Variants in ALK observed in about 807,000 individuals in gnomAD.
ALK encodes ALK receptor tyrosine kinase.
In ALK, 74 loss-of-function variants were observed where a neutral mutation model predicts 163.1. The ratio of observed to expected loss-of-function variants is 0.45; its 90% confidence interval spans 0.38 to 0.55. The LOEUF is 0.55. Ranked by LOEUF, ALK falls within the 20% of genes least tolerant of loss-of-function variation. ALK has a pLI of 0.00. For synonymous variants in ALK, 960 were observed against 843.2 expected, an observed-to-expected ratio of 1.14 and a Z score of -2.40; for missense variants, 2,063 against 2,105.3, an observed-to-expected ratio of 0.98 and a Z score of 0.39.
At chr2:29,606,976 A>G (rs977378815) in intron 3 of ALK, among the ~76,000 whole-genome samples, 1 of 152,246 alleles carries the variant, frequency 6.6e-6, no homozygotes, top group African/African-American at 2.4e-5. Context: ...GCAGCCATGC[A>G]TCTGCTTTCC....
intron 8 of ALK, among the ~76,000 whole-genome samples, chr2:29,314,265 C>T (rs1666769188): frequency 6.6e-6 from 1 of 152,174 alleles, no homozygotes; most frequent in African/African-American, 2.4e-5. Flanking sequence ...TCACATCCCT[C>T]TGGGCTACAT....
intron 4 of ALK, among the ~76,000 whole-genome samples, chr2:29,410,843 T>G (rs1250794365): frequency 1.3e-5 from 2 of 152,234 alleles, no homozygotes; most frequent in East Asian, 3.8e-4. Flanking sequence ...TGTACACTCC[T>G]GTAGACTTTA....
chr2:29,641,039 G>T (rs1037887796), intron 3 of ALK, among the ~76,000 whole-genome samples: 1 of 152,150 alleles, frequency 6.6e-6, no homozygotes, highest in South Asian at 2.1e-4. Flanking sequence ...GTGCTTGGCG[G>T]GGGCAGTGAT....
At chr2:29,762,468 C>T (rs1680734896) in intron 1 of ALK, among the ~76,000 whole-genome samples, 1 of 152,126 alleles carries the variant, frequency 6.6e-6, no homozygotes, top group Admixed American at 6.5e-5. Context: ...TGCAGTCTCC[C>T]CGTGAGTATA....
At chr2:29,678,290 T>C (rs1164644905) in intron 3 of ALK, among the ~76,000 whole-genome samples, 1 of 151,908 alleles carries the variant, frequency 6.6e-6, no homozygotes, top group East Asian at 1.9e-4. Flanking sequence ...GCTTTTTTAT[T>C]TCATGGATTT....
chr2:29,919,847 G>T, intron 1 of ALK, 146 bp downstream of exon 1: 1 of 1,017,092 alleles, frequency 9.8e-7, no homozygotes, highest in Non-Finnish European at 1.4e-6. Flanking sequence ...GGTCTGATTC[G>T]GGAAGGAGGT....
intron 1 of ALK, among the ~76,000 whole-genome samples, chr2:29,766,086 G>A (rs1213579802): frequency 2.6e-5 from 4 of 152,170 alleles, no homozygotes; most frequent in East Asian, 1.9e-4. Context: ...TTAATTAGCT[G>A]TACAGTATTT....
intron 20 of ALK, 77 bp from the exon 21 acceptor site, chr2:29,222,684 G>A (rs776151347): frequency 4.5e-6 from 6 of 1,324,470 alleles, no homozygotes; most frequent in Non-Finnish European, 6.4e-6. Context: ...CCTGAGCCTG[G>A]GCGTCACATT....
chr2:29,832,164 G>T (rs1045915904), intron 1 of ALK, among the ~76,000 whole-genome samples: 20 of 152,188 alleles, frequency 1.3e-4, no homozygotes, highest in African/African-American at 4.8e-4. Flanking sequence ...GAGAAACTGG[G>T]TTGAAATTCA....
intron 1 of ALK, among the ~76,000 whole-genome samples, chr2:29,912,945 T>C (rs1406739445): frequency 6.6e-6 from 1 of 152,156 alleles, no homozygotes; most frequent in Non-Finnish European, 1.5e-5. Context: ...AAGAAAAATA[T>C]AACCAATGGT....
intron 5 of ALK, among the ~76,000 whole-genome samples, chr2:29,342,723 T>G (rs1192574631): frequency 3.9e-5 from 6 of 152,002 alleles, no homozygotes; most frequent in African/African-American, 1.5e-4. Context: ...CCATGCAGAG[T>G]TCAGGCTCTT....
rs1003331738 is a variant in ALK at position 29,671,610 on chromosome 2, A to T, written c.952+23240T>A. Among the ~76,000 whole-genome samples, 8 of 152,080 alleles carry T rather than the reference A, an allele frequency of 5.3e-5. 1 individual carries two copies. The East Asian group carries it at 9.7e-4, about 18-fold the overall frequency. On this transcript the variant is annotated intron_variant, in intron 3 of 28. Coordinates refer to ENST00000389048, the MANE Select transcript of ALK (RefSeq NM_004304.5). Reference sequence around the variant, plus strand: ...TCCAGTGTAGAAATTGTGAATGAGGAAAGATTTTCTATGAACTTGTTGCCA... The same window carrying T: ...TCCAGTGTAGAAATTGTGAATGAGGTAAGATTTTCTATGAACTTGTTGCCA...
rs1024764053 is a variant in ALK at position 29,228,810 on chromosome 2, G to GGGCGA, written c.2815+73_2815+74insTCGCC. 23 of 985,294 alleles carry GGGCGA rather than the reference G, an allele frequency of 2.3e-5. No individual in the cohort carries two copies. The African/African-American group carries it at 4.5e-4, about 19-fold the overall frequency. 61.0% of individuals were successfully genotyped at this position (985,294 alleles called of 1,614,324 possible). ...GGGCAGGCCAGGGGAGGGCAGGGGAGGGCAGGGCAGGGAGGTGAGGAGCCT... is the reference window on the plus strand; with the variant it reads ...GGGCAGGCCAGGGGAGGGCAGGGGAGGGCGAGGCAGGGCAGGGAGGTGAGGAGCCT... On this transcript the variant is annotated intron_variant, in intron 16 of 28. Coordinates refer to ENST00000389048, the MANE Select transcript of ALK (RefSeq NM_004304.5).
intron 4 of ALK, among the ~76,000 whole-genome samples, chr2:29,513,309 C>A (rs1276222411): frequency 7.2e-6 from 1 of 139,436 alleles, no homozygotes; most frequent in Non-Finnish European, 1.6e-5. Flanking sequence ...AGATATAGAT[C>A]AATGGAACAG....
At chr2:29,354,544 C>T (rs1006314371) in intron 5 of ALK, among the ~76,000 whole-genome samples, 1 of 151,340 alleles carries the variant, frequency 6.6e-6, no homozygotes, top group Admixed American at 6.6e-5. Context: ...GCATCGTGCA[C>T]CGGAGACCAT....
intron 1 of ALK, among the ~76,000 whole-genome samples, chr2:29,749,645 T>C (rs978884227): frequency 6.6e-6 from 1 of 152,096 alleles, no homozygotes; most frequent in African/African-American, 2.4e-5. Flanking sequence ...CCCATCGTTC[T>C]CAGTCCCCAA....
At chr2:29,728,838 C>T (rs558556235) in intron 1 of ALK, among the ~76,000 whole-genome samples, 2 of 152,000 alleles carry the variant, frequency 1.3e-5, no homozygotes, top group African/African-American at 4.8e-5. Flanking sequence ...AGCAAAGAAC[C>T]CCTTGGAGAT....
At chr2:29,816,656 G>A (rs578199379) in intron 1 of ALK, among the ~76,000 whole-genome samples, 3 of 152,308 alleles carry the variant, frequency 2.0e-5, no homozygotes, top group African/African-American at 7.2e-5. Context: ...GGAAAGTCTG[G>A]GCCACAAGGT....
chr2:29,300,047 G>A (rs961021149), intron 8 of ALK, among the ~76,000 whole-genome samples: 5 of 152,180 alleles, frequency 3.3e-5, no homozygotes, highest in Admixed American at 2.0e-4. Flanking sequence ...TGGCAGCATC[G>A]GGTGGCCTAC....
Sources: allele counts gnomAD v4.1 joint callset (sites outside exome capture counted in the v4.1 genomes callset), GRCh38; gene constraint gnomAD v4.1.1; transcripts MANE v1.5; gene names NCBI Gene and HGNC (gene_info 2026-07-23, HGNC 2026-07-21).